Variants in PLD3 observed in about 807,000 individuals in gnomAD.
PLD3 encodes the protein phospholipase D family member 3, also known as 5'-3' exonuclease PLD3.
Under a neutral mutation model 58.4 loss-of-function variants are expected in PLD3, and 31 were observed. The observed-to-expected ratio is 0.53, with a 90% CI of 0.40 to 0.72. PLD3 has a LOEUF of 0.72. Among genes scored for constraint, PLD3 ranks in the 30% least tolerant of loss-of-function variants. The pLI, the probability that PLD3 is intolerant of heterozygous loss-of-function variation, is 0.00. For synonymous variants in PLD3, 264 were observed against 273.4 expected (o/e 0.97, Z 0.34); for missense variants, 595 against 659.8 (o/e 0.90, Z 1.08).
At chr19:40,375,091 G>A (rs1175225915) in intron 10 of PLD3, among the ~76,000 whole-genome samples, 2 of 151,902 alleles carry the variant, frequency 1.3e-5, no homozygotes, top group African/African-American at 4.8e-5. Flanking sequence ...GGGAGGTGAA[G>A]GTTGCAGTGA....
At position 40,349,667 on chromosome 19, in the gene PLD3, T is replaced by C. The variant is rs1267289418; in HGVS notation, c.-279+899T>C. Among the ~76,000 whole-genome samples, 4 of 152,182 alleles carry C rather than the reference T, an allele frequency of 2.6e-5. No homozygotes were observed. The East Asian group carries it at 5.8e-4, about 22-fold the overall frequency. On this transcript the variant is annotated intron_variant, in intron 1 of 12. Transcript: ENST00000409735. ...TTTTGGCTAATATTGTTATTAACCATGTCACCCTCGGCCGGGTGCGGTGGC... is the reference window on the plus strand; with the variant it reads ...TTTTGGCTAATATTGTTATTAACCACGTCACCCTCGGCCGGGTGCGGTGGC...
At chr19:40,366,280 C>T in intron 2 of PLD3, 139 bp from the exon 3 acceptor site, 1 of 620,456 alleles carries the variant, frequency 1.6e-6, no homozygotes, top group Non-Finnish European at 2.9e-6. Context: ...CAGTGACCAG[C>T]TTCCTCTTTT....
intron 4 of PLD3, 31 bp from the exon 5 acceptor site, chr19:40,366,741 CG>C: frequency 6.2e-7 from 1 of 1,613,898 alleles, no homozygotes; most frequent in Non-Finnish European, 8.5e-7. Flanking sequence ...CTGCCCCCCT[CG>C]GGCTGGCTGA....
chr19:40,362,684 C>T (rs769271930), intron 1 of PLD3, among the ~76,000 whole-genome samples: 2 of 152,192 alleles, frequency 1.3e-5, no homozygotes, highest in African/African-American at 2.4e-5. Context: ...GCAATCCTCC[C>T]ACCTTGGCCT....
At chr19:40,376,328 G>A (rs1235873682) in intron 10 of PLD3, 6 of 384,352 alleles carry the variant, frequency 1.6e-5, no homozygotes, top group African/African-American at 2.1e-5. Flanking sequence ...GCACTCCAGC[G>A]TGGGCAACAA....
chr19:40,361,926 T>G (rs2078796325), intron 1 of PLD3, among the ~76,000 whole-genome samples: 1 of 151,878 alleles, frequency 6.6e-6, no homozygotes, highest in African/African-American at 2.4e-5. Context: ...AACCTCCACC[T>G]CCCTGGTTCA....
rs755852046 is a variant in PLD3, at chr19:40,374,474, C to T, written c.880-7C>T. On this transcript the variant is annotated splice_region_variant and splice_polypyrimidine_tract_variant and intron_variant, in intron 9 of 12. Transcript: ENST00000409735. ...GGCACATGTCTTAACTGTCCCCTCG[C>T]CCTCAGAGTGCGCCCCCACCCCTGT... 1.9e-6 allele frequency: 3 copies of T among 1,613,958 alleles called. No individual in the cohort carries two copies. The highest frequency in any genetic ancestry group is 1.7e-6 in the Non-Finnish European group (2 of 1,179,982).
rs1350973173 is a variant in PLD3, at chr19:40,366,774, A to G, written c.104A>G (p.Lys35Arg). The change falls in exon 5 of 13, where the codon AAA (lysine) becomes AGA (arginine). Residue 35 changes from lysine to arginine, a missense_variant and splice_region_variant. Transcript: ENST00000409735. The stretch of plus-strand genomic sequence containing the variant: ...CTGACCACCTCCTCCTCCCCACAGA[A>G]AGCCCGCTGGGTCCTGCTGGTCCTC... ...EIEAWKAAEK[K>R]ARWVLLVLIL... The G allele has an allele frequency of 1.9e-6, 3 of 1,613,736 alleles. No homozygotes were observed. Among genetic ancestry groups the G allele is most frequent in the African/African-American group, 1.3e-5 (1 of 74,890 alleles).
At chr19:40,373,560 G>C (rs1032410805) in intron 9 of PLD3, among the ~76,000 whole-genome samples, 2 of 143,456 alleles carry the variant, frequency 1.4e-5, no homozygotes. Context: ...CTGGGTGACA[G>C]AGTGAGACTC....
Position 40,366,857 on chromosome 19 carries a change from G to A in PLD3, c.187G>A (p.Gly63Ser), listed in dbSNP as rs142070038. ...GACTCAGCTGTTTCTATGGGAATAC[G>A]GCGACTTGCATCTCTTTGGGCCCAA... ...LMTQLFLWEYGDLHLFGPNQR... is the reference protein window; with the variant it reads ...LMTQLFLWEYSDLHLFGPNQR... Residue 63 changes from glycine (G) to serine (S), a missense_variant, in exon 5 of 13, where the codon GGC (glycine) becomes AGC (serine). By Grantham distance (56) the Gly-to-Ser change is moderately conservative. Coordinates refer to ENST00000409735, the MANE Select transcript of PLD3 (RefSeq NM_012268.4). 7.5e-4 allele frequency: 1,208 copies of A among 1,613,978 alleles called. 5 individuals are homozygous for A. In the Middle Eastern group the frequency reaches 0.017, roughly 23 times the overall value.
chr19:40,367,184 T>G, intron 5 of PLD3: 1 of 455,942 alleles, frequency 2.2e-6, no homozygotes, highest in Non-Finnish European at 3.9e-6. Context: ...ATACACGACC[T>G]TCCTTCCACA....
chr19:40,350,260 CAAAAAA>C (rs763559067), intron 1 of PLD3, among the ~76,000 whole-genome samples: 18 of 68,122 alleles, frequency 2.6e-4, no homozygotes, highest in Non-Finnish European at 5.4e-5. Flanking sequence ...GACTCCGTCT[CAAAAAA>C]AAAAAAAAAA....
chr19:40,377,226 G>GA, intron 11 of PLD3, among the ~76,000 whole-genome samples: 1 of 135,480 alleles, frequency 7.4e-6, no homozygotes, highest in African/African-American at 2.7e-5. Context: ...CTGGGGTGGG[G>GA]GGCACAGAGA....
At chr19:40,354,441 T>G (rs1319922745) in intron 1 of PLD3, among the ~76,000 whole-genome samples, 1 of 152,112 alleles carries the variant, frequency 6.6e-6, no homozygotes, top group Non-Finnish European at 1.5e-5. Context: ...CTCAAACTCC[T>G]GGGCTTAAGT....
chr19:40,356,963 T>C (rs2078669759), intron 1 of PLD3: 1 of 152,198 alleles, frequency 6.6e-6, no homozygotes, highest in Non-Finnish European at 1.5e-5. Flanking sequence ...TGATGCTTTT[T>C]GGACCTATTT....
At chr19:40,350,743 C>CA (rs200435356) in intron 1 of PLD3, among the ~76,000 whole-genome samples, 1,672 of 99,570 alleles carry the variant, frequency 0.017, 13 homozygotes, top group African/African-American at 0.054. Context: ...GACCCCATCT[C>CA]AAAAAAAAAA....
rs1316541042 is a variant in PLD3 at position 40,366,794 on chromosome 19, G to A, written c.124G>A (p.Val42Ile). 6.2e-7 allele frequency: 1 copy of A among 1,613,988 alleles called. No homozygotes were observed. Among genetic ancestry groups the A allele is most frequent in the Non-Finnish European group, 8.5e-7 (1 of 1,179,912 alleles). ...ACAGAAAGCCCGCTGGGTCCTGCTG[G>A]TCCTCATTCTGGCGGTTGTGGGCTT... ...AEKKARWVLL[V>I]LILAVVGFGA... is the part of the protein sequence containing the mutation. The change falls in exon 5 of 13, where the codon GTC (valine) becomes ATC (isoleucine). Residue 42 changes from valine (V) to isoleucine (I), a missense_variant. Transcript: ENST00000409735.
chr19:40,369,903 C>G lies in PLD3; in HGVS notation c.430-5C>G, dbSNP rs3745199. 656,308 of 1,549,836 alleles carry G rather than the reference C, an allele frequency of 0.42. 145,233 individuals are homozygous for G. Among genetic ancestry groups the G allele is most frequent in the Admixed American group, 0.54 (27,657 of 50,940 alleles). ...AGCCCCTCAGAAGCTCTCCCCTCCC[C>G]GCAGGGTGAGGAGGTCCTCCGGCAG... On this transcript the variant is annotated splice_region_variant and splice_polypyrimidine_tract_variant and intron_variant, in intron 6 of 12. Coordinates refer to ENST00000409735, the MANE Select transcript of PLD3 (RefSeq NM_012268.4).
chr19:40,352,503 T>C (rs1274276665), intron 1 of PLD3, among the ~76,000 whole-genome samples: 4 of 151,588 alleles, frequency 2.6e-5, no homozygotes, highest in East Asian at 3.9e-4. Flanking sequence ...TCCTCTCTCT[T>C]TTTTTTTAAC....
Sources: gnomAD v4.1 joint callset for allele counts (sites outside exome capture counted in the v4.1 genomes callset) on GRCh38, gnomAD v4.1.1 for gene constraint, MANE v1.5 for transcripts, NCBI Gene and HGNC (gene_info 2026-07-23, HGNC 2026-07-21) for gene names.